The following ZNF680 variants were observed in gnomAD, a reference collection of about 807,000 sequenced individuals.
ZNF680 encodes zinc finger protein 680.
ZNF680 carries 6 observed loss-of-function variants against 12.1 expected under a neutral mutation model. The ratio of observed to expected loss-of-function variants is 0.49; its 90% CI spans 0.27 to 0.98. ZNF680 has a LOEUF of 0.98. Ranked by LOEUF, ZNF680 falls within the 50% of genes least tolerant of loss-of-function variation. The pLI is 0.12. For missense variants in ZNF680, 561 were observed against 616.3 expected, an observed-to-expected ratio of 0.91 and a Z score of 0.95; for synonymous variants, 170 against 199.3, an observed-to-expected ratio of 0.85 and a Z score of 1.24.
chr7:64,549,081 T>C lies in ZNF680; in HGVS notation c.31-4649A>G, dbSNP rs144567651. Among the ~76,000 whole-genome samples, 328 of 150,838 alleles carry C rather than the reference T, an allele frequency of 2.2e-3. 12 individuals are homozygous for C. Among genetic ancestry groups the C allele is most frequent in the Admixed American group, 0.017 (254 of 15,130 alleles). The stretch of plus-strand genomic sequence containing the variant: ...GTTGCAGTGAGCTGAAATCACGCCA[T>C]TGCACTCCAGCCTGGGCAATAGGGT... On this transcript the variant is annotated intron_variant, in intron 1 of 3. Transcript: ENST00000309683.
chr7:64,506,220 G>A, the ZNF680 span, among the ~76,000 whole-genome samples: 7 of 145,002 alleles, frequency 4.8e-5, no homozygotes, highest in Non-Finnish European at 1.0e-4. Context: ...TTTTTGAGAC[G>A]GAGTCTTGCT....
the ZNF680 span, among the ~76,000 whole-genome samples, chr7:64,513,682 G>C: frequency 6.6e-6 from 1 of 151,758 alleles, no homozygotes; most frequent in African/African-American, 2.4e-5. Context: ...TTCTCGCTCT[G>C]TCACCCAGGC....
chr7:64,548,391 A>T (rs1786889412), intron 1 of ZNF680, among the ~76,000 whole-genome samples: 1 of 152,234 alleles, frequency 6.6e-6, no homozygotes, highest in Non-Finnish European at 1.5e-5. Context: ...ACACATCTAT[A>T]CATTGTACCA....
chr7:64,542,900 T>A (rs75075594), intron 3 of ZNF680, among the ~76,000 whole-genome samples: 1 of 152,126 alleles, frequency 6.6e-6, no homozygotes, highest in East Asian at 1.9e-4. Context: ...GATTTCACCC[T>A]GATGGCCAGG....
rs562629321 is a variant in ZNF680, at chr7:64,522,167, T to C, written c.587A>G (p.His196Arg). 7 of 1,613,102 alleles carry C rather than the reference T, an allele frequency of 4.3e-6. No individual in the cohort carries two copies. The highest frequency in any genetic ancestry group is 5.9e-6 in the Non-Finnish European group (7 of 1,179,428). ...ECGKSFCMLS[H>R]LTQHIRIHTR... ...GTGAATTCTTATATGTTGTGTTAGA[T>C]GTGAAAGCATGCAAAATGATTTGCC... Residue 196 changes from histidine (H) to arginine (R), a missense_variant, in exon 4 of 4, where the codon CAT becomes CGT. Transcript: ENST00000309683.
At position 64,562,989 on chromosome 7, in the gene ZNF680, G is replaced by T. The variant is rs762871151; in HGVS notation, c.-35C>A. ...GCATCTCCCAATACCTGCAGATAAC[G>T]GAGTCACAGAGGCTGGGCCTCTAGG... On this transcript the variant is annotated 5_prime_UTR_variant, in exon 1 of 4. Transcript: ENST00000309683. The T allele has an allele frequency of 1.4e-5, 22 of 1,612,570 alleles. No individual in the cohort carries two copies. Among genetic ancestry groups the T allele is most frequent in the Non-Finnish European group, 1.7e-5 (20 of 1,178,962 alleles).
intron 1 of ZNF680, among the ~76,000 whole-genome samples, chr7:64,550,317 A>G (rs1787008399): frequency 6.6e-6 from 1 of 152,252 alleles, no homozygotes; most frequent in Non-Finnish European, 1.5e-5. Context: ...AAGCAGTTTT[A>G]AGAGATAAAT....
In ZNF680 at chr7:64,522,208, G is replaced by A. The variant is rs1382679696; in HGVS notation, c.546C>T (p.Phe182=). Residue 182 remains phenylalanine (F), a synonymous_variant, in exon 4 of 4, where the codon TTC becomes TTT. Transcript: ENST00000309683. ...ATGATTTGCCACATTCTTTACATTT[G>A]AAAACCTTCTTTCCAGTATTTCTTT... ...HKKRNTGKKV[F]KCKECGKSFC... 6.2e-7 allele frequency: 1 copy of A among 1,612,324 alleles called. No individual in the cohort carries two copies. Among genetic ancestry groups the A allele is most frequent in the Non-Finnish European group, 8.5e-7 (1 of 1,179,078 alleles).
chr7:64,545,414 C>T (rs1279262381), intron 1 of ZNF680, among the ~76,000 whole-genome samples: 1 of 151,752 alleles, frequency 6.6e-6, no homozygotes, highest in African/African-American at 2.4e-5. Flanking sequence ...ATAATTTATG[C>T]ACATCAGCTG....
intron 3 of ZNF680, among the ~76,000 whole-genome samples, chr7:64,528,968 TG>T (rs549679374): frequency 5.3e-4 from 80 of 152,224 alleles, no homozygotes; most frequent in Middle Eastern, 3.4e-3. Context: ...TATCCACAGC[TG>T]AGAAACCCAT....
intron 2 of ZNF680, 98 bp from the exon 3 acceptor site, chr7:64,543,900 G>C (rs1200643413): frequency 1.0e-6 from 1 of 994,620 alleles, no homozygotes; most frequent in Non-Finnish European, 1.5e-6. Context: ...GCATATTCTA[G>C]TAAATTAATC....
At chr7:64,516,926 G>T (rs538785492), downstream of ZNF680, among the ~76,000 whole-genome samples, 1 of 152,110 alleles carries the variant, frequency 6.6e-6, no homozygotes, top group South Asian at 2.1e-4. Flanking sequence ...GAATGATATA[G>T]TGACAAAACC....
chr7:64,523,112 T>C (rs926220914), intron 3 of ZNF680, among the ~76,000 whole-genome samples: 2 of 152,054 alleles, frequency 1.3e-5, no homozygotes, highest in Non-Finnish European at 2.9e-5. Flanking sequence ...CACATACAAA[T>C]AGAATTCCTT....
intron 3 of ZNF680, among the ~76,000 whole-genome samples, chr7:64,541,957 T>C (rs1017964856): frequency 6.6e-6 from 1 of 152,204 alleles, no homozygotes; most frequent in African/African-American, 2.4e-5. Context: ...AAAATTCTCT[T>C]TGATACTCAG....
intron 1 of ZNF680, among the ~76,000 whole-genome samples, chr7:64,550,492 T>C (rs1187278450): frequency 1.3e-5 from 2 of 152,196 alleles, no homozygotes; most frequent in African/African-American, 4.8e-5. Flanking sequence ...AGGTCCTGAA[T>C]AAATGGAGTA....
chr7:64,509,601 T>C, the ZNF680 span, among the ~76,000 whole-genome samples: 8 of 152,190 alleles, frequency 5.3e-5, no homozygotes, highest in Non-Finnish European at 1.5e-5. Flanking sequence ...AACATTCCCT[T>C]CATTAAAAAA....
rs542196465 is a variant in ZNF680 at position 64,539,225 on chromosome 7, T to C, written c.253+4482A>G. Among the ~76,000 whole-genome samples, 10 of 149,896 alleles carry C rather than the reference T, an allele frequency of 6.7e-5. No homozygotes were observed. The East Asian group carries it at 1.2e-3, about 18-fold the overall frequency. On this transcript the variant is annotated intron_variant, in intron 3 of 3. Coordinates refer to ENST00000309683, the MANE Select transcript of ZNF680 (RefSeq NM_178558.5). ...AGTAACATATGTATACAATGGAATA[T>C]TATTCAGCCTTAAAAAAAAATCTTG...
downstream of ZNF680, among the ~76,000 whole-genome samples, chr7:64,516,618 G>A (rs997342403): frequency 4.8e-4 from 73 of 152,182 alleles, 1 homozygote; most frequent in African/African-American, 1.7e-3. Context: ...GAACAAATGG[G>A]CTTAACAGCT....
At chr7:64,536,288 T>C (rs1786163758) in intron 3 of ZNF680, among the ~76,000 whole-genome samples, 1 of 152,188 alleles carries the variant, frequency 6.6e-6, no homozygotes, top group Non-Finnish European at 1.5e-5. Context: ...TAAGAGTGGA[T>C]GATTTATAAA....
Sources: gnomAD v4.1 joint callset for allele counts (sites outside exome capture counted in the v4.1 genomes callset) on GRCh38, gnomAD v4.1.1 for gene constraint, MANE v1.5 for transcripts, NCBI Gene and HGNC (gene_info 2026-07-23, HGNC 2026-07-21) for gene names.